Variants in CLVS1 observed in about 807,000 individuals in gnomAD.
CLVS1 encodes clavesin 1.
CLVS1 carries 10 observed loss-of-function variants against 33.1 expected under a neutral mutation model. That is an observed-to-expected ratio of 0.30 (90% CI 0.19 to 0.51). The LOEUF (loss-of-function observed/expected upper bound fraction) is 0.51, where lower values mean the gene tolerates loss of function less well. CLVS1 is among the 20% of genes least tolerant of loss of function. The pLI is 0.97. For missense variants in CLVS1, 343 were observed against 433.4 expected (o/e 0.79, Z 1.85); for synonymous variants, 163 against 166.1 (o/e 0.98, Z 0.14).
the CLVS1 span, among the ~76,000 whole-genome samples, chr8:60,983,565 C>G: frequency 6.6e-6 from 1 of 152,250 alleles, no homozygotes; most frequent in African/African-American, 2.4e-5. Flanking sequence ...TTTCTCCATC[C>G]AAAGGATAGG....
At chr8:61,275,562 G>A (rs1252695926) in intron 2 of CLVS1, among the ~76,000 whole-genome samples, 2 of 152,144 alleles carry the variant, frequency 1.3e-5, no homozygotes, top group Non-Finnish European at 2.9e-5. Flanking sequence ...AACAACAAAA[G>A]TATGTTGGAA....
intron 2 of CLVS1, among the ~76,000 whole-genome samples, chr8:61,189,873 C>T (rs955194894): frequency 5.3e-5 from 8 of 152,192 alleles, no homozygotes; most frequent in Admixed American, 5.2e-4. Flanking sequence ...TTTCATAAAG[C>T]AAGTCCTTAG....
At chr8:61,121,964 C>T (rs1290969384) in intron 1 of CLVS1, among the ~76,000 whole-genome samples, 1 of 152,212 alleles carries the variant, frequency 6.6e-6, no homozygotes, top group Non-Finnish European at 1.5e-5. Context: ...CAGGAGGACT[C>T]AACACAGTGG....
chr8:61,446,397 C>T (rs1185420576), intron 3 of CLVS1, among the ~76,000 whole-genome samples: 1 of 152,102 alleles, frequency 6.6e-6, no homozygotes, highest in Non-Finnish European at 1.5e-5. Flanking sequence ...ATGCCTGAAA[C>T]TGGGTAATTT....
intron 2 of CLVS1, among the ~76,000 whole-genome samples, chr8:61,232,041 T>TTTTTTTTTTTTTTTTTTGTTTTG (rs1554548394): frequency 8.6e-6 from 1 of 116,002 alleles, no homozygotes; most frequent in African/African-American, 4.8e-5. Flanking sequence ...TTTTTTTTTT[T>TTTTTTTTTTTTTTTTTTGTTTTG]TTTTTTTTTG....
At chr8:61,017,903 A>G in the CLVS1 span, among the ~76,000 whole-genome samples, 2 of 152,220 alleles carry the variant, frequency 1.3e-5, no homozygotes, top group South Asian at 4.1e-4. Flanking sequence ...ATTAAAATCT[A>G]GCCCCAATAC....
At chr8:61,482,023 A>C (rs1029305872) in intron 5 of CLVS1, among the ~76,000 whole-genome samples, 1 of 152,214 alleles carries the variant, frequency 6.6e-6, no homozygotes, top group African/African-American at 2.4e-5. Flanking sequence ...ATCAGGCAGC[A>C]ACATCTGCTG....
At chr8:61,042,425 A>G in the CLVS1 span, among the ~76,000 whole-genome samples, 1 of 152,236 alleles carries the variant, frequency 6.6e-6, no homozygotes, top group South Asian at 2.1e-4. Flanking sequence ...AAAACAAATT[A>G]TCAGGAACTA....
At chr8:61,277,218 A>G (rs1809576250) in intron 2 of CLVS1, among the ~76,000 whole-genome samples, 1 of 152,078 alleles carries the variant, frequency 6.6e-6, no homozygotes. Flanking sequence ...TGTGCATAGC[A>G]TTTTCCTAGG....
chr8:61,171,990 C>T (rs192954183), intron 2 of CLVS1, among the ~76,000 whole-genome samples: 73 of 152,236 alleles, frequency 4.8e-4, no homozygotes, highest in African/African-American at 1.4e-3. Context: ...ATGACAAAAG[C>T]GAATCCTCAG....
the CLVS1 span, among the ~76,000 whole-genome samples, chr8:61,031,976 A>G: frequency 6.6e-6 from 1 of 152,214 alleles, no homozygotes; most frequent in African/African-American, 2.4e-5. Flanking sequence ...AATAAGATAA[A>G]ATATGGGGGC....
upstream of CLVS1, among the ~76,000 whole-genome samples, chr8:61,285,021 C>G (rs1024525533): frequency 2.0e-5 from 3 of 152,100 alleles, no homozygotes; most frequent in Non-Finnish European, 4.4e-5. Flanking sequence ...TTGATTAAGT[C>G]AGATGGAAGT....
intron 5 of CLVS1, among the ~76,000 whole-genome samples, chr8:61,476,785 T>G (rs574656700): frequency 1.3e-5 from 2 of 152,286 alleles, no homozygotes; most frequent in Admixed American, 6.5e-5. Flanking sequence ...TGAATACCCT[T>G]TATTTTCTTC....
intron 3 of CLVS1, among the ~76,000 whole-genome samples, chr8:61,385,728 A>AG (rs1814056415): frequency 6.6e-6 from 1 of 152,182 alleles, no homozygotes; most frequent in African/African-American, 2.4e-5. Flanking sequence ...GGATTTTTTC[A>AG]TAATGTAACA....
At chr8:61,236,193 A>G (rs1415678987) in intron 2 of CLVS1, among the ~76,000 whole-genome samples, 1 of 152,216 alleles carries the variant, frequency 6.6e-6, no homozygotes, top group Admixed American at 6.5e-5. Flanking sequence ...GGCCAAGGGT[A>G]GAGAAAGAAC....
chr8:61,491,295 A>G lies in CLVS1; in HGVS notation c.978-8160A>G, dbSNP rs564841078. 2.6e-5 allele frequency among the ~76,000 whole-genome samples: 4 copies of G among 152,346 alleles called. No individual in the cohort carries two copies. The South Asian group carries it at 6.2e-4, about 24-fold the overall frequency. On this transcript the variant is annotated intron_variant, in intron 5 of 5. Coordinates refer to ENST00000325897, the MANE Select transcript of CLVS1 (RefSeq NM_173519.3). ...CAAGATCATTGTTTTACATGGGATC[A>G]GAGTAGCTGTGTGAACTGCTTCATA...
rs185645061 is a variant in CLVS1 at position 61,251,470 on chromosome 8, A to G, written c.-151-48207A>G. Among the ~76,000 whole-genome samples, 94 of 152,300 alleles carry G rather than the reference A, an allele frequency of 6.2e-4. 1 individual carries two copies. Among genetic ancestry groups the G allele is most frequent in the Admixed American group, 3.1e-3 (48 of 15,296 alleles). On this transcript the variant is annotated intron_variant, in intron 2 of 2. Coordinates refer to the CLVS1 transcript ENST00000522621. The stretch of plus-strand genomic sequence containing the variant: ...ATTCCCTGTTTTTCTATTGTTTGGA[A>G]TAGTTTCAGAAGGAATGGTACCAGC...
chr8:61,498,983 A>C (rs961331301), intron 5 of CLVS1, among the ~76,000 whole-genome samples: 1 of 152,174 alleles, frequency 6.6e-6, no homozygotes, highest in Admixed American at 6.5e-5. Context: ...AGGTACACAG[A>C]ATATTTAGAT....
At chr8:61,322,604 A>T (rs1418485734) in intron 2 of CLVS1, among the ~76,000 whole-genome samples, 1 of 152,144 alleles carries the variant, frequency 6.6e-6, no homozygotes, top group Non-Finnish European at 1.5e-5. Context: ...TTCTCTTATT[A>T]AGTAATAAAT....
Sources: gnomAD v4.1 joint callset for allele counts (sites outside exome capture counted in the v4.1 genomes callset) on GRCh38, gnomAD v4.1.1 for gene constraint, MANE v1.5 for transcripts, NCBI Gene and HGNC (gene_info 2026-07-23, HGNC 2026-07-21) for gene names.